The following SLC39A13 variants were observed in gnomAD, a reference collection of about 807,000 sequenced individuals.
SLC39A13 encodes the protein zinc transporter ZIP13.
Under a neutral mutation model 38.7 loss-of-function variants are expected in SLC39A13, and 18 were observed. That is an observed-to-expected ratio of 0.47 (90% confidence interval 0.32 to 0.69). The LOEUF (loss-of-function observed/expected upper bound fraction) is 0.69, where lower values mean the gene tolerates loss of function less well. SLC39A13 is among the 30% of genes least tolerant of loss of function. SLC39A13 has a pLI of 0.03. For synonymous variants in SLC39A13, 212 were observed against 219.1 expected (o/e 0.97, Z 0.29); for missense variants, 395 against 490.7 (o/e 0.80, Z 1.84).
Position 47,415,306 on chromosome 11 carries a change from G to T in SLC39A13, c.1059G>T (p.Leu353=), listed in dbSNP as rs1057524263. ...CCCACAGGCGCTCCCTGCAGCAGCT[G>T]CTTCTGCTCTGTGCGGGCATCGTGG... The part of the protein sequence containing the change: ...EEDPWRSLQQ[L]LLLCAGIVVM... Residue 353 remains leucine (L), a synonymous_variant, in exon 10 of 10, where the codon CTG becomes CTT. Coordinates refer to ENST00000362021, the MANE Select transcript of SLC39A13 (RefSeq NM_001128225.3). The T allele has an allele frequency of 3.1e-6, 5 of 1,614,056 alleles. No homozygotes were observed. The highest frequency in any genetic ancestry group is 2.2e-5 in the East Asian group (1 of 44,880).
chr11:47,414,522 CCCAT>C, intron 7 of SLC39A13, 47 bp downstream of exon 7: 1 of 1,598,532 alleles, frequency 6.3e-7, no homozygotes, highest in Non-Finnish European at 8.5e-7. Flanking sequence ...CCCCACAGTG[CCCAT>C]GATCAGCATG....
In SLC39A13 at chr11:47,414,484, T is replaced by C; in HGVS notation, c.786+9T>C. On this transcript the variant is annotated intron_variant, in intron 7 of 9. Coordinates refer to ENST00000362021, the MANE Select transcript of SLC39A13 (RefSeq NM_001128225.3). ...ATGAGATCCCCCATGAGGTGAGCGCTTGTAGGGCAGCCCCCAGGGGCCCAG... is the reference window on the plus strand; with the variant it reads ...ATGAGATCCCCCATGAGGTGAGCGCCTGTAGGGCAGCCCCCAGGGGCCCAG... 3 of 1,611,878 alleles carry C rather than the reference T, an allele frequency of 1.9e-6. No individual in the cohort carries two copies. The highest frequency in any genetic ancestry group is 2.5e-6 in the Non-Finnish European group (3 of 1,179,208).
chr11:47,411,728 T>G (rs551178288), intron 2 of SLC39A13, among the ~76,000 whole-genome samples, 198 bp from the exon 3 acceptor site: 22 of 152,392 alleles, frequency 1.4e-4, no homozygotes, highest in African/African-American at 4.8e-4. Context: ...CTGTCAGCTC[T>G]TCACCATGAC....
At chr11:47,412,261 G>A in intron 3 of SLC39A13, 85 bp from the exon 4 acceptor site, 1 of 1,528,230 alleles carries the variant, frequency 6.5e-7, no homozygotes, top group Non-Finnish European at 8.9e-7. Context: ...CTGGTGCCCT[G>A]GATGAGATCC....
intron 1 of SLC39A13, 79 bp from the exon 2 acceptor site, chr11:47,410,008 A>G: frequency 4.5e-6 from 7 of 1,554,912 alleles, no homozygotes; most frequent in South Asian, 2.3e-5. Context: ...CCTTGCGGGG[A>G]GGAGGGAGGC....
intron 6 of SLC39A13, 194 bp downstream of exon 6, chr11:47,413,880 C>T (rs1398856103): frequency 1.4e-6 from 1 of 739,374 alleles, no homozygotes. Flanking sequence ...GTTCCTGTTC[C>T]CAGTACTCCT....
intron 5 of SLC39A13, 31 bp downstream of exon 5, chr11:47,413,538 G>C: frequency 1.9e-6 from 3 of 1,613,742 alleles, no homozygotes; most frequent in Non-Finnish European, 1.7e-6. Flanking sequence ...CCCTGCAGCC[G>C]TACTGCCCTG....
rs1408727906 is a variant in SLC39A13, at chr11:47,416,443, G to GTATC, written c.*1082_*1085dup. 1 of 152,246 alleles carries GTATC rather than the reference G, an allele frequency of 6.6e-6. No individual in the cohort carries two copies. Among genetic ancestry groups the GTATC allele is most frequent in the African/African-American group, 2.4e-5 (1 of 41,412 alleles). The allele number at this position is 152,246 out of a possible 1,614,324, so 9.4% of individuals were successfully genotyped here. A position where few individuals can be genotyped will look rare whatever the true frequency, so the allele number is the denominator to read the frequency against. The stretch of plus-strand genomic sequence containing the variant: ...TAGCAACTTTGCTGTGATTCCGTTT[G>GTATC]TATCTGTAAATATTTGTTCTATAGA... On this transcript the variant is annotated 3_prime_UTR_variant, in exon 10 of 10. Transcript: ENST00000362021.
chr11:47,412,688 TG>T (rs1170092589), intron 4 of SLC39A13, among the ~76,000 whole-genome samples: 3 of 144,796 alleles, frequency 2.1e-5, no homozygotes, highest in African/African-American at 7.5e-5. Context: ...GGGGAGGGTT[TG>T]TTGAGTTTGG....
At position 47,415,315 on chromosome 11, in the gene SLC39A13, CTG is replaced by C; in HGVS notation, c.1071_1072del (p.Ala358GlyfsTer35). The C allele has an allele frequency of 6.2e-7, 1 of 1,614,094 alleles. No homozygotes were observed. The highest frequency in any genetic ancestry group is 1.3e-5 in the African/African-American group (1 of 75,024). ...GCTCCCTGCAGCAGCTGCTTCTGCT[CTG>C]TGCGGGCATCGTGGTAATGGTGCTG... is the stretch of plus-strand genomic sequence containing the variant. ...WRSLQQLLLL[C>X]AGIVVMVLFS... On this transcript the variant is annotated frameshift_variant, in exon 10 of 10. Transcript: ENST00000362021. LOFTEE classifies it high-confidence loss of function.
intron 1 of SLC39A13, 197 bp from the exon 2 acceptor site, chr11:47,409,890 C>G: frequency 1.6e-6 from 1 of 613,004 alleles, no homozygotes; most frequent in South Asian, 1.9e-5. Context: ...AAAAAATACG[C>G]AGTGCTCAGG....
rs2096009866 is a variant in SLC39A13 at position 47,413,463 on chromosome 11, C to G, written c.601C>G (p.Pro201Ala). The G allele has an allele frequency of 1.9e-6, 3 of 1,613,934 alleles. No individual in the cohort carries two copies. The highest frequency in any genetic ancestry group is 2.5e-6 in the Non-Finnish European group (3 of 1,179,978). The change falls in exon 5 of 10, where the codon CCG becomes GCG. Residue 201 changes from proline to alanine, a missense_variant. Transcript: ENST00000362021. ...CAATGGAGGCCACTGTCTGGCCCAG[C>G]CGGCTGCAGAGCCCGGCCTCGGTGC... ...ALNGGHCLAQPAAEPGLGAVV... is the reference protein window; with the variant it reads ...ALNGGHCLAQAAAEPGLGAVV...
chr11:47,408,394 G>T (rs548569910), upstream of SLC39A13, among the ~76,000 whole-genome samples: 1 of 152,114 alleles, frequency 6.6e-6, no homozygotes, highest in South Asian at 2.1e-4. Context: ...CCTCCGGCCC[G>T]CAGCCCTGCC....
chr11:47,410,726 G>A (rs1019100887), intron 2 of SLC39A13, among the ~76,000 whole-genome samples: 1 of 152,158 alleles, frequency 6.6e-6, no homozygotes, highest in Admixed American at 6.5e-5. Context: ...AACAAAACAC[G>A]CAGGAGAGCT....
In SLC39A13 at chr11:47,415,766, C is replaced by T; in HGVS notation, c.*403C>T. 5.9e-6 allele frequency: 2 copies of T among 337,710 alleles called. 1 individual carries two copies. Among genetic ancestry groups the T allele is most frequent in the South Asian group, 5.2e-5 (2 of 38,258 alleles). 20.9% of individuals were successfully genotyped at this position (337,710 alleles called of 1,614,324 possible). ...GGGTGCAGGGAACTCCAGAGCTGCC[C>T]ACCTCCCACTGCCCCCTCAGCACAC... On this transcript the variant is annotated 3_prime_UTR_variant, in exon 10 of 10. Transcript: ENST00000362021.
In SLC39A13 at chr11:47,415,079, C is replaced by T. The variant is rs1380887232; in HGVS notation, c.960C>T (p.Val320=). The T allele has an allele frequency of 6.2e-7, 1 of 1,613,470 alleles. No homozygotes were observed. Among genetic ancestry groups the T allele is most frequent in the Non-Finnish European group, 8.5e-7 (1 of 1,179,704 alleles). The change falls in exon 9 of 10, where the codon GTC becomes GTT. Residue 320 remains valine (V), a synonymous_variant. Transcript: ENST00000362021. ...CTGCAGAGGAGACGGCAGCCTGGGT[C>T]CTGCCCTTCACCTCTGGCGGCTTTC... ...SPAAEETAAW[V]LPFTSGGFLY...
intron 3 of SLC39A13, 148 bp downstream of exon 3, chr11:47,412,187 C>G: frequency 7.8e-7 from 1 of 1,287,908 alleles, no homozygotes; most frequent in Non-Finnish European, 1.1e-6. Flanking sequence ...TTGTCCTGGT[C>G]TCTGGGCCCT....
At chr11:47,409,684 C>T in intron 1 of SLC39A13, 1 of 232,290 alleles carries the variant, frequency 4.3e-6, no homozygotes, top group East Asian at 1.1e-4. Context: ...CTGAATCCAC[C>T]CCATCCCCTT....
rs765860310 is a variant in SLC39A13, at chr11:47,410,121, T to C, written c.27T>C (p.Cys9=). 6.2e-7 allele frequency: 1 copy of C among 1,613,310 alleles called. No homozygotes were observed. Among genetic ancestry groups the C allele is most frequent in the Admixed American group, 1.7e-5 (1 of 60,030 alleles). Residue 9 remains cysteine, a synonymous_variant, in exon 2 of 10, where the codon TGT becomes TGC. Transcript: ENST00000362021. MPGCPCPG[C]GMAGPRLLFL... is the part of the protein sequence containing the mutation. ...TGCCTGGATGTCCCTGCCCTGGCTG[T>C]GGCATGGCGGGCCCAAGGCTCCTCT...
Sources: gnomAD v4.1 joint callset for allele counts (sites outside exome capture counted in the v4.1 genomes callset) on GRCh38, gnomAD v4.1.1 for gene constraint, MANE v1.5 for transcripts, NCBI Gene and HGNC (gene_info 2026-07-23, HGNC 2026-07-21) for gene names.